The following FREM3 variants were observed in gnomAD, a reference collection of about 807,000 sequenced individuals.
FREM3 encodes the protein FRAS1-related extracellular matrix protein 3.
A neutral mutation model predicts 129.1 loss-of-function variants in FREM3; 105 were observed. The ratio of observed to expected loss-of-function variants is 0.81; its 90% confidence interval spans 0.69 to 0.96. The LOEUF (loss-of-function observed/expected upper bound fraction) is 0.96. FREM3 is among the 40% of genes least tolerant of loss of function. FREM3 has a pLI of 0.00. For synonymous variants in FREM3, 1,014 were observed against 1,044.9 expected (o/e 0.97, Z 0.57); for missense variants, 2,593 against 2,666.3 (o/e 0.97, Z 0.61).
intron 2 of FREM3, among the ~76,000 whole-genome samples, chr4:143,682,751 G>A (rs1368317691): frequency 2.6e-5 from 4 of 152,158 alleles, no homozygotes; most frequent in East Asian, 1.9e-4. Context: ...ACTATGTGTC[G>A]GGCACTCTTC....
intron 2 of FREM3, among the ~76,000 whole-genome samples, chr4:143,648,416 A>G (rs1159760593): frequency 6.6e-6 from 1 of 152,202 alleles, no homozygotes; most frequent in Non-Finnish European, 1.5e-5. Flanking sequence ...GGGAGGGGCC[A>G]GGGATGGAGT....
At chr4:143,579,026 T>A (rs1738088272) in intron 7 of FREM3, among the ~76,000 whole-genome samples, 1 of 151,070 alleles carries the variant, frequency 6.6e-6, no homozygotes, top group African/African-American at 2.4e-5. Context: ...TGTAAGTTTT[T>A]GGAGACATGG....
Position 143,696,504 on chromosome 4 carries a change from C to G in FREM3, c.4172G>C (p.Gly1391Ala). The change falls in exon 1 of 8, where the codon GGC (glycine) becomes GCC (alanine). Residue 1391 changes from glycine to alanine, a missense_variant. Around this residue, in one of 2 missense-constraint regions of FREM3, gnomAD observed 2,276 missense variants for 2,267.2 expected, o/e 1.00. Coordinates refer to ENST00000329798, the MANE Select transcript of FREM3 (RefSeq NM_001168235.2). ...GATAATGTCAACAATCCCTTCTTGG[C>G]CTGTGTGGATATAGCAGATGAGGCC... Reference protein sequence around the residue: ...NRGLICYIHTGQEGIVDIIKF... With the variant: ...NRGLICYIHTAQEGIVDIIKF... The G allele has an allele frequency of 6.5e-7, 1 of 1,537,558 alleles. No homozygotes were observed. Among genetic ancestry groups the G allele is most frequent in the Non-Finnish European group, 8.7e-7 (1 of 1,146,992 alleles).
rs182261815 is a variant in FREM3 at position 143,587,954 on chromosome 4, G to A, written c.6029-1961C>T. On this transcript the variant is annotated intron_variant, in intron 6 of 7. Transcript: ENST00000329798. ...TCACTCTTGTATGCATGGCTCACAT[G>A]TGGTCCATGGCAACCTTCCTGCATC... Among the ~76,000 whole-genome samples, 5 of 152,298 alleles carry A rather than the reference G, an allele frequency of 3.3e-5. No homozygotes were observed. The East Asian group carries it at 9.6e-4, about 29-fold the overall frequency.
chr4:143,640,647 G>A (rs1560854449), intron 2 of FREM3, among the ~76,000 whole-genome samples: 1 of 152,120 alleles, frequency 6.6e-6, no homozygotes, highest in Non-Finnish European at 1.5e-5. Context: ...TCCAGCCTGG[G>A]CAACAAGAGT....
chr4:143,638,897 C>A (rs1343707820), intron 2 of FREM3, among the ~76,000 whole-genome samples: 2 of 152,072 alleles, frequency 1.3e-5, no homozygotes, highest in Non-Finnish European at 2.9e-5. Context: ...AGTGCCACAC[C>A]CAAGTACATC....
At chr4:143,664,754 C>G in intron 2 of FREM3, among the ~76,000 whole-genome samples, 1 of 152,188 alleles carries the variant, frequency 6.6e-6, no homozygotes, top group Middle Eastern at 3.2e-3. Context: ...GTTCGAGCTT[C>G]CCAGCTGCTT....
intron 2 of FREM3, among the ~76,000 whole-genome samples, chr4:143,629,676 T>G (rs1406130050): frequency 6.6e-6 from 1 of 152,218 alleles, no homozygotes; most frequent in Non-Finnish European, 1.5e-5. Flanking sequence ...ACTTTTTTTG[T>G]GTCTTTTTCA....
In FREM3 at chr4:143,697,693, C is replaced by A. The variant is rs747865046; in HGVS notation, c.2983G>T (p.Gly995Cys). The A allele has an allele frequency of 1.9e-5, 29 of 1,537,772 alleles. No individual in the cohort carries two copies. In the South Asian group the frequency reaches 3.3e-4, roughly 18 times the overall value. Residue 995 changes from glycine to cysteine, a missense_variant, in exon 1 of 8, where the codon GGC (glycine) becomes TGC (cysteine). By Grantham distance (159) the Gly-to-Cys change is radical. Transcript: ENST00000329798. The part of the protein sequence containing the change: ...SFIVKDSPKL[G>C]TILVNGLPTE... ...GGCAAACCATTTACCAGAATAGTGC[C>A]CAGTTTGGGGCTGTCCTTTACAATG...
At chr4:143,662,109 A>G (rs1170804979) in intron 2 of FREM3, among the ~76,000 whole-genome samples, 1 of 151,508 alleles carries the variant, frequency 6.6e-6, no homozygotes, top group African/African-American at 2.4e-5. Context: ...CTCTGATTTT[A>G]GTTATTTCTT....
chr4:143,610,359 G>A (rs1272174229), intron 6 of FREM3, among the ~76,000 whole-genome samples: 1 of 152,132 alleles, frequency 6.6e-6, no homozygotes, highest in Non-Finnish European at 1.5e-5. Flanking sequence ...GAACATGATA[G>A]TACACGATAA....
intron 6 of FREM3, among the ~76,000 whole-genome samples, chr4:143,596,210 T>A (rs1174723697): frequency 6.6e-6 from 1 of 152,236 alleles, no homozygotes; most frequent in Non-Finnish European, 1.5e-5. Flanking sequence ...AAACCAATTT[T>A]AGGCAGTGAA....
rs114738304 is a variant in FREM3, at chr4:143,605,680, C to T, written c.6028+5599G>A. On this transcript the variant is annotated intron_variant, in intron 6 of 7. Transcript: ENST00000329798. ...ATTATAAAGAAAGCCATTTACATTC[C>T]TTATTCTCTTCCTCCCTCTGACTTT... Among the ~76,000 whole-genome samples, 1,242 of 152,218 alleles carry T rather than the reference C, an allele frequency of 8.2e-3. 22 individuals are homozygous for T. The highest frequency in any genetic ancestry group is 0.029 in the African/African-American group (1,191 of 41,536).
intron 5 of FREM3, among the ~76,000 whole-genome samples, chr4:143,619,499 A>G (rs749068048): frequency 6.6e-6 from 1 of 152,076 alleles, no homozygotes; most frequent in Non-Finnish European, 1.5e-5. Context: ...TCTCATACTC[A>G]TATCGTGTGC....
intron 2 of FREM3, among the ~76,000 whole-genome samples, chr4:143,663,150 C>T (rs1260752149): frequency 3.3e-5 from 5 of 152,024 alleles, no homozygotes; most frequent in South Asian, 2.1e-4. Context: ...TTATTTTGCT[C>T]GTTAGTTGAT....
intron 6 of FREM3, among the ~76,000 whole-genome samples, chr4:143,592,913 T>C (rs1215763409): frequency 1.3e-5 from 2 of 152,182 alleles, no homozygotes; most frequent in Non-Finnish European, 2.9e-5. Flanking sequence ...CATAGTCCCA[T>C]ATTTCTTGGA....
intron 1 of FREM3, among the ~76,000 whole-genome samples, 157 bp downstream of exon 1, chr4:143,695,334 C>CT (rs1240862370): frequency 1.3e-5 from 2 of 152,078 alleles, no homozygotes; most frequent in South Asian, 4.1e-4. Flanking sequence ...GACTTGTTGC[C>CT]TTTTTTGTTT....
intron 5 of FREM3, among the ~76,000 whole-genome samples, chr4:143,616,406 A>G (rs1411641510): frequency 1.3e-5 from 2 of 152,196 alleles, no homozygotes; most frequent in African/African-American, 4.8e-5. Flanking sequence ...CACATCTACA[A>G]CTAAATAAAT....
In FREM3 at chr4:143,606,340, T is replaced by C. The variant is rs79099081; in HGVS notation, c.6028+4939A>G. Among the ~76,000 whole-genome samples, 525 of 151,948 alleles carry C rather than the reference T, an allele frequency of 3.5e-3. 4 individuals are homozygous for C. The highest frequency in any genetic ancestry group is 0.012 in the African/African-American group (514 of 41,440). ...AGGGGTTTGCTTGCTAAATGGTACCTGTGAGATTACTATATTATGGAATAT... is the reference window on the plus strand; with the variant it reads ...AGGGGTTTGCTTGCTAAATGGTACCCGTGAGATTACTATATTATGGAATAT... On this transcript the variant is annotated intron_variant, in intron 6 of 7. Transcript: ENST00000329798.
Sources: allele counts gnomAD v4.1 joint callset (sites outside exome capture counted in the v4.1 genomes callset), GRCh38; gene constraint gnomAD v4.1.1; regional missense constraint gnomAD v4.1.1; transcripts MANE v1.5; gene names NCBI Gene and HGNC (gene_info 2026-07-23, HGNC 2026-07-21).